Variants in IFT140 observed in about 807,000 individuals in gnomAD.
IFT140 encodes the protein intraflagellar transport 140.
In IFT140, 133 loss-of-function variants were observed where a neutral mutation model predicts 164.6. That is an observed-to-expected ratio of 0.81 (90% CI 0.70 to 0.93). IFT140 has a LOEUF of 0.93. IFT140 is among the 40% of genes least tolerant of loss of function. IFT140 has a pLI of 0.00. For missense variants in IFT140, 2,045 were observed against 1,972.3 expected, an observed-to-expected ratio of 1.04 and a Z score of -0.70; for synonymous variants, 860 against 817.3, an observed-to-expected ratio of 1.05 and a Z score of -0.89.
At chr16:1,608,521 T>C (rs2036185690) in intron 2 of IFT140, among the ~76,000 whole-genome samples, 1 of 150,690 alleles carries the variant, frequency 6.6e-6, no homozygotes, top group South Asian at 2.1e-4. Context: ...TAATTCCAGC[T>C]ACTCCGGAGC....
rs574131281 is a variant in IFT140, at chr16:1,519,979, C to T, written c.3942G>A (p.Leu1314=). 2.5e-6 allele frequency: 4 copies of T among 1,607,460 alleles called. No homozygotes were observed. Among genetic ancestry groups the T allele is most frequent in the Admixed American group, 3.4e-5 (2 of 58,532 alleles). The change falls in exon 29 of 31, where the codon CTG becomes CTA. Residue 1314 remains leucine (L), a synonymous_variant. Coordinates refer to ENST00000426508, the MANE Select transcript of IFT140 (RefSeq NM_014714.4). ...HGALTEAYKC[L]AKAKAKSPLD... is the part of the protein sequence containing the mutation. The stretch of plus-strand genomic sequence containing the variant: ...GGGGGCTCTTGGCCTTGGCCTTGGC[C>T]AGGCACTTGTAGGCCTCGGTCAGCG...
At chr16:1,573,598 G>A (rs891869364) in intron 13 of IFT140, among the ~76,000 whole-genome samples, 12 of 151,996 alleles carry the variant, frequency 7.9e-5, no homozygotes, top group African/African-American at 2.7e-4. Context: ...AAGGTGCCAC[G>A]ACAAACCCAA....
At chr16:1,537,852 C>T (rs1193982135) in intron 19 of IFT140, among the ~76,000 whole-genome samples, 4 of 152,208 alleles carry the variant, frequency 2.6e-5, no homozygotes, top group East Asian at 3.9e-4. Context: ...GGTGGCTCCA[C>T]GTGGCTCCGT....
chr16:1,553,224 CCATCTGTCTCTG>C lies in IFT140; in HGVS notation c.2399+4699_2399+4710del, dbSNP rs371572679. 323 of 979,388 alleles carry C rather than the reference CCATCTGTCTCTG, an allele frequency of 3.3e-4. 1 individual carries two copies. In the African/African-American group the frequency reaches 5.1e-3, roughly 15 times the overall value. The allele number at this position is 979,388 out of a possible 1,614,324, so 60.7% of individuals were successfully genotyped here. A position where few individuals can be genotyped will look rare whatever the true frequency, so the allele number is the denominator to read the frequency against. On this transcript the variant is annotated intron_variant, in intron 19 of 30. Coordinates refer to ENST00000426508, the MANE Select transcript of IFT140 (RefSeq NM_014714.4). This position sits in a 1 kb window ranked among gnomAD's most constrained non-coding sequence, Gnocchi z 4.4. ...TCTCTGTCTCTGTCTCTCTCTGTCTCCATCTGTCTCTGTGTCTGTCTCTGTCTCTCTGTATCT... is the reference window on the plus strand; with the variant it reads ...TCTCTGTCTCTGTCTCTCTCTGTCTCTGTCTGTCTCTGTCTCTCTGTATCT...
In IFT140 at chr16:1,589,773, C is replaced by T. The variant is rs765268078; in HGVS notation, c.642G>A (p.Val214=). 4.8e-5 allele frequency: 77 copies of T among 1,613,448 alleles called. No homozygotes were observed. Among genetic ancestry groups the T allele is most frequent in the Non-Finnish European group, 6.3e-5 (74 of 1,179,510 alleles). ...TCTTGCCCTTCTCATCCACATAGTGCACTGTCCCTGGGGACAAACGTGGGG... is the reference window on the plus strand; with the variant it reads ...TCTTGCCCTTCTCATCCACATAGTGTACTGTCCCTGGGGACAAACGTGGGG... ...LFFVSLMDGT[V]HYVDEKGKTT... is the part of the protein sequence containing the mutation. The change falls in exon 7 of 31, where the codon GTG becomes GTA. Residue 214 remains valine (V), a synonymous_variant. Transcript: ENST00000426508.
In IFT140 at chr16:1,518,253, A is replaced by G. The variant is rs1454067964; in HGVS notation, c.4145T>C (p.Leu1382Pro). ...TIRIGDVYGFLVEHYVRKEEY... is the reference protein window; with the variant it reads ...TIRIGDVYGFPVEHYVRKEEY... ...CTCCTTCCGCACGTAGTGCTCCACC[A>G]GGAAGCCATAGACGTCCCCGATGCG... The change falls in exon 30 of 31, where the codon CTG (leucine) becomes CCG (proline). Residue 1382 changes from leucine to proline, a missense_variant. Coordinates refer to ENST00000426508, the MANE Select transcript of IFT140 (RefSeq NM_014714.4). 1.5e-5 allele frequency: 24 copies of G among 1,614,090 alleles called. No homozygotes were observed. Among genetic ancestry groups the G allele is most frequent in the Non-Finnish European group, 2.0e-5 (24 of 1,180,028 alleles).
At position 1,564,894 on chromosome 16, in the gene IFT140, C is replaced by CA; in HGVS notation, c.1902-733_1902-732insT. Among the ~76,000 whole-genome samples, 1 of 152,290 alleles carries CA rather than the reference C, an allele frequency of 6.6e-6. No homozygotes were observed. The highest frequency in any genetic ancestry group is 3.4e-3 in the Middle Eastern group (1 of 294). Reference sequence around the variant, plus strand: ...GCCACTGCACCCAGCAATGGAGGTGCCCTCACAGCCACGTTCGGCACCAGT... The same window carrying CA: ...GCCACTGCACCCAGCAATGGAGGTGCACCTCACAGCCACGTTCGGCACCAGT... On this transcript the variant is annotated intron_variant, in intron 16 of 30. Transcript: ENST00000426508. The surrounding 1 kb of genome is among the most constrained non-coding windows in gnomAD (Gnocchi z 5.5).
chr16:1,530,728 G>C (rs1439392630), intron 19 of IFT140: 3 of 151,864 alleles, frequency 2.0e-5, no homozygotes, highest in Non-Finnish European at 2.9e-5. Context: ...CGCCCGTGGG[G>C]AGCGGGAGAG....
chr16:1,552,648 CTTTTTTT>C (rs11409894), intron 19 of IFT140, among the ~76,000 whole-genome samples: 2 of 127,586 alleles, frequency 1.6e-5, no homozygotes, highest in South Asian at 2.5e-4. Flanking sequence ...AAAGAGAATG[CTTTTTTT>C]TTTTTTTTTT....
chr16:1,565,510 GA>G (rs745600439), intron 16 of IFT140, among the ~76,000 whole-genome samples: 3 of 150,674 alleles, frequency 2.0e-5, no homozygotes, highest in East Asian at 3.9e-4. Context: ...ATGGAGGAGG[GA>G]AAAAAAAAGA....
chr16:1,588,061 TG>T (rs1235956982), intron 7 of IFT140, 37 bp from the exon 8 acceptor site: 3 of 1,586,150 alleles, frequency 1.9e-6, no homozygotes, highest in Non-Finnish European at 2.6e-6. Flanking sequence ...GCACCGTGCT[TG>T]CTGAGACGGC....
chr16:1,541,414 A>C, intron 19 of IFT140: 5 of 985,352 alleles, frequency 5.1e-6, no homozygotes, highest in Non-Finnish European at 6.0e-6. Context: ...AGGGAACACC[A>C]CCATGAGCCG....
intron 30 of IFT140, among the ~76,000 whole-genome samples, chr16:1,511,752 C>G (rs2040165571): frequency 6.6e-6 from 1 of 152,086 alleles, no homozygotes; most frequent in South Asian, 2.1e-4. Flanking sequence ...TGAGGGCAAA[C>G]ATCCACACCT....
rs745601796 is a variant in IFT140, at chr16:1,586,137, T to C, written c.1148A>G (p.Gln383Arg). 2 of 1,612,896 alleles carry C rather than the reference T, an allele frequency of 1.2e-6. No homozygotes were observed. Among genetic ancestry groups the C allele is most frequent in the Non-Finnish European group, 1.7e-6 (2 of 1,180,032 alleles). The change falls in exon 10 of 31, where the codon CAA becomes CGA. Residue 383 changes from glutamine to arginine, a missense_variant. Transcript: ENST00000426508. ...CACCCTTGGAGGCTGTACCTGGATT[T>C]GCGTGATGTTTCCTTGGAGCTCGGT... ...TPTELQGNIT[Q>R]IQWGSRKNLL... is the part of the protein sequence containing the mutation.
intron 8 of IFT140, 46 bp downstream of exon 8, chr16:1,587,886 TC>T: frequency 6.9e-7 from 1 of 1,449,924 alleles, no homozygotes; most frequent in Non-Finnish European, 9.5e-7. Flanking sequence ...AGGAGCCTGT[TC>T]CTCAGGGAAC....
At position 1,533,809 on chromosome 16, in the gene IFT140, C is replaced by T. The variant is rs1226625700; in HGVS notation, c.2400-7013G>A. The T allele has an allele frequency of 2.4e-5, 5 of 212,268 alleles. No individual in the cohort carries two copies. Among genetic ancestry groups the T allele is most frequent in the African/African-American group, 9.6e-5 (4 of 41,820 alleles). 13.1% of individuals were successfully genotyped at this position (212,268 alleles called of 1,614,324 possible). A position where few individuals can be genotyped will look rare whatever the true frequency, so the allele number is the denominator to read the frequency against. On this transcript the variant is annotated intron_variant, in intron 19 of 30. Coordinates refer to ENST00000426508, the MANE Select transcript of IFT140 (RefSeq NM_014714.4). This position sits in a 1 kb window ranked among gnomAD's most constrained non-coding sequence, Gnocchi z 4.7. ...AGGCAGCACAGAGGAGCTGTGAACC[C>T]GCTCCACACCGGCCACCCTGCCCGG...
Position 1,595,060 on chromosome 16 carries a change from C to T in IFT140, c.370-2472G>A, listed in dbSNP as rs561362846. Among the ~76,000 whole-genome samples, 1,003 of 152,202 alleles carry T rather than the reference C, an allele frequency of 6.6e-3. 4 individuals carry two copies. Among genetic ancestry groups the T allele is most frequent in the Non-Finnish European group, 0.011 (775 of 67,982 alleles). On this transcript the variant is annotated intron_variant, in intron 4 of 30. Transcript: ENST00000426508. ...CAGCACTTTGGGAGGCCGAGGCGGG[C>T]GGATCACAAGGTCAGGAGATGGAGA...
At position 1,563,997 on chromosome 16, in the gene IFT140, C is replaced by T. The variant is rs143537808; in HGVS notation, c.2067G>A (p.Ala689=). The change falls in exon 17 of 31, where the codon GCG becomes GCA. Residue 689 remains alanine, a splice_region_variant and synonymous_variant. Transcript: ENST00000426508. ...CTCAAATACAACAGGCAGAGCGTAC[C>T]GCAGGGCCAGCGCGCCCATCTTGGG... is the stretch of plus-strand genomic sequence containing the variant. ...GQPQDGRAGP[A]ADVLILSFFI... The T allele has an allele frequency of 1.5e-4, 240 of 1,573,560 alleles. No homozygotes were observed. The highest frequency in any genetic ancestry group is 5.7e-4 in the Admixed American group (33 of 57,724).
rs748649022 is a variant in IFT140 at position 1,587,317 on chromosome 16, A to G, written c.903-13T>C. 3.8e-6 allele frequency: 6 copies of G among 1,564,982 alleles called. No individual in the cohort carries two copies. Among genetic ancestry groups the G allele is most frequent in the African/African-American group, 1.4e-5 (1 of 74,030 alleles). On this transcript the variant is annotated splice_polypyrimidine_tract_variant and intron_variant, in intron 8 of 30. Coordinates refer to ENST00000426508, the MANE Select transcript of IFT140 (RefSeq NM_014714.4). ...TATGTCCCAGAATCTACAACAGAAG[A>G]AAGCAAGCCCCATGGAGGGCCTGTG...
Sources: gnomAD v4.1 joint callset for allele counts (sites outside exome capture counted in the v4.1 genomes callset) on GRCh38, gnomAD v4.1.1 for gene constraint, Gnocchi (gnomAD v3.1) non-coding constraint, MANE v1.5 for transcripts, NCBI Gene and HGNC (gene_info 2026-07-23, HGNC 2026-07-21) for gene names.